ZFHX3: variants seen among roughly 807,000 people sequenced by gnomAD.
ZFHX3 encodes zinc finger homeobox 3.
In ZFHX3, 42 loss-of-function variants were observed where a neutral mutation model predicts 279.1. That is an observed-to-expected ratio of 0.15 (90% CI 0.12 to 0.19). The LOEUF (loss-of-function observed/expected upper bound fraction) is 0.19. Ranked by LOEUF, ZFHX3 falls within the 10% of genes least tolerant of loss-of-function variation. The probability of loss-of-function intolerance (pLI) is 1.00; values close to 1 mark genes in which losing one functional copy is unlikely to be tolerated. For missense variants in ZFHX3, 4,981 were observed against 4,754.0 expected (o/e 1.05, Z -1.40); for synonymous variants, 2,293 against 1,957.8 (o/e 1.17, Z -4.52).
At chr16:73,150,951 A>T (rs1477572727) in intron 5 of ZFHX3, among the ~76,000 whole-genome samples, 1 of 152,204 alleles carries the variant, frequency 6.6e-6, no homozygotes, top group Non-Finnish European at 1.5e-5. Flanking sequence ...AACCGGCATC[A>T]CTCAAACAAA....
chr16:73,390,623 T>A (rs1446182171), intron 3 of ZFHX3, among the ~76,000 whole-genome samples: 1 of 152,134 alleles, frequency 6.6e-6, no homozygotes, highest in Non-Finnish European at 1.5e-5. Context: ...CTTAAGTATG[T>A]GTTGTTGCTG....
intron 1 of ZFHX3, among the ~76,000 whole-genome samples, chr16:72,975,897 GC>G (rs1281392277): frequency 6.6e-6 from 1 of 152,186 alleles, no homozygotes; most frequent in East Asian, 1.9e-4. Context: ...GATTAATTAT[GC>G]TTGAAAATCT....
At chr16:73,756,158 G>C (rs898063175) in intron 1 of ZFHX3, among the ~76,000 whole-genome samples, 1 of 152,172 alleles carries the variant, frequency 6.6e-6, no homozygotes, top group African/African-American at 2.4e-5. Context: ...CAGAAGACCA[G>C]GTATTCCCAG....
chr16:73,876,715 C>G (rs1424447573), intron 1 of ZFHX3, among the ~76,000 whole-genome samples: 8 of 152,070 alleles, frequency 5.3e-5, no homozygotes, highest in Non-Finnish European at 8.8e-5. Context: ...TTTGTTAAAC[C>G]AGAATGCTGG....
intron 5 of ZFHX3, among the ~76,000 whole-genome samples, chr16:73,146,948 G>A (rs764964672): frequency 2.6e-5 from 4 of 152,308 alleles, no homozygotes; most frequent in Non-Finnish European, 4.4e-5. Context: ...GTGAGCCACC[G>A]TGCCTGGCTG....
intron 2 of ZFHX3, among the ~76,000 whole-genome samples, chr16:73,611,998 T>C (rs2052251733): frequency 6.6e-6 from 1 of 152,234 alleles, no homozygotes; most frequent in African/African-American, 2.4e-5. Context: ...CTGTTAATAA[T>C]GCTGAAAGAC....
At chr16:73,332,335 T>G (rs539962983) in intron 3 of ZFHX3, among the ~76,000 whole-genome samples, 7 of 152,168 alleles carry the variant, frequency 4.6e-5, no homozygotes, top group Non-Finnish European at 7.3e-5. Context: ...TAACCTGTGT[T>G]TGTGAGTGAT....
chr16:73,774,490 C>A (rs1191330747), intron 1 of ZFHX3, among the ~76,000 whole-genome samples: 1 of 152,196 alleles, frequency 6.6e-6, no homozygotes, highest in Non-Finnish European at 1.5e-5. Context: ...ATGCTCTGTT[C>A]TTCCTACTTG....
chr16:72,931,678 C>T (rs1166227456), intron 3 of ZFHX3, among the ~76,000 whole-genome samples: 2 of 151,936 alleles, frequency 1.3e-5, no homozygotes, highest in Non-Finnish European at 2.9e-5. Context: ...TGCAGGTGCT[C>T]CCTACAGTGA....
chr16:73,157,465 T>TAAAAAGAAAAA, intron 5 of ZFHX3, among the ~76,000 whole-genome samples: 1 of 76,518 alleles, frequency 1.3e-5, no homozygotes, highest in Non-Finnish European at 2.3e-5. Flanking sequence ...GAATGTTTGG[T>TAAAAAGAAAAA]AAAAAAAAAA....
At chr16:73,245,558 C>T (rs768231944) in intron 5 of ZFHX3, among the ~76,000 whole-genome samples, 1 of 152,152 alleles carries the variant, frequency 6.6e-6, no homozygotes, top group African/African-American at 2.4e-5. Flanking sequence ...AATGAGATGG[C>T]CTCAAATGAG....
At chr16:72,940,083 A>T (rs57150558) in intron 3 of ZFHX3, among the ~76,000 whole-genome samples, 3 of 151,006 alleles carry the variant, frequency 2.0e-5, no homozygotes, top group African/African-American at 7.3e-5. Context: ...CTAATTTTTT[A>T]AATTTTTTTA....
At chr16:72,860,267 C>A (rs2037851999) in intron 4 of ZFHX3, among the ~76,000 whole-genome samples, 1 of 152,186 alleles carries the variant, frequency 6.6e-6, no homozygotes, top group South Asian at 2.1e-4. Context: ...CACCCGCTTC[C>A]TGTTCCATCA....
intron 3 of ZFHX3, among the ~76,000 whole-genome samples, chr16:73,326,130 C>T (rs901251100): frequency 6.6e-6 from 1 of 152,180 alleles, no homozygotes; most frequent in African/African-American, 2.4e-5. Flanking sequence ...GCGGCATGCC[C>T]ATGGTCTCAG....
At chr16:73,058,021 G>A (rs184941562) in intron 1 of ZFHX3, among the ~76,000 whole-genome samples, 2,106 of 144,812 alleles carry the variant, frequency 0.015, 21 homozygotes, top group Middle Eastern at 0.081. Flanking sequence ...TCGGCACCGC[G>A]GACCCCCCCA....
chr16:73,270,756 A>G (rs1293804798), intron 4 of ZFHX3, among the ~76,000 whole-genome samples: 1 of 152,162 alleles, frequency 6.6e-6, no homozygotes, highest in African/African-American at 2.4e-5. Flanking sequence ...GCCCTGGACC[A>G]GAGGCGGATT....
intron 4 of ZFHX3, among the ~76,000 whole-genome samples, chr16:72,872,832 G>A (rs1361368191): frequency 2.6e-5 from 4 of 152,170 alleles, no homozygotes; most frequent in African/African-American, 9.7e-5. Flanking sequence ...GGGGGTGGGG[G>A]ATGGGCAAAA....
chr16:72,957,812 AGCCACC>A lies in ZFHX3; in HGVS notation c.2328_2333del (p.Val777_Ala778del), dbSNP rs779744677. On this transcript the variant is annotated inframe_deletion, in exon 2 of 10. Coordinates refer to ENST00000268489, the MANE Select transcript of ZFHX3 (RefSeq NM_006885.4). ...TGATATTGGCTGCCGCCGCCGCCGC[AGCCACC>A]GCCGCCGCCGCCGCCCCGGCAGTGT... The A allele has an allele frequency of 1.7e-4, 271 of 1,582,100 alleles. 1 individual carries two copies. The highest frequency in any genetic ancestry group is 3.5e-4 in the South Asian group (31 of 89,842).
intron 5 of ZFHX3, among the ~76,000 whole-genome samples, chr16:73,182,432 A>G (rs1967817419): frequency 6.6e-6 from 1 of 152,158 alleles, no homozygotes; most frequent in African/African-American, 2.4e-5. Context: ...ATTCCAGCCC[A>G]GGTGGCAGAG....
Sources: allele counts gnomAD v4.1 joint callset (sites outside exome capture counted in the v4.1 genomes callset), GRCh38; gene constraint gnomAD v4.1.1; transcripts MANE v1.5; gene names NCBI Gene and HGNC (gene_info 2026-07-23, HGNC 2026-07-21).